LRP1B: variants seen among roughly 807,000 people sequenced by gnomAD.
LRP1B encodes low-density lipoprotein receptor-related protein 1B.
LRP1B carries 217 observed loss-of-function variants against 556.6 expected under a neutral mutation model. The observed-to-expected ratio is 0.39, with a 90% CI of 0.35 to 0.44. The LOEUF is 0.44. Among genes scored for constraint, LRP1B ranks in the 20% least tolerant of loss-of-function variants. LRP1B has a pLI of 1.00. For missense variants in LRP1B, 5,053 were observed against 5,620.8 expected (o/e 0.90, Z 3.23); for synonymous variants, 2,047 against 1,865.8 (o/e 1.10, Z -2.50).
chr2:141,202,318 G>T (rs1489680839), intron 6 of LRP1B, among the ~76,000 whole-genome samples: 6 of 152,138 alleles, frequency 3.9e-5, no homozygotes, highest in Admixed American at 1.3e-4. Context: ...GTCTACAATT[G>T]ATAAGCATTA....
At chr2:140,654,358 T>A (rs1684800016) in intron 41 of LRP1B, among the ~76,000 whole-genome samples, 1 of 152,138 alleles carries the variant, frequency 6.6e-6, no homozygotes, top group African/African-American at 2.4e-5. Flanking sequence ...CAAGGATGAA[T>A]AATTTCTAAA....
At chr2:140,982,486 A>G (rs952014318) in intron 17 of LRP1B, among the ~76,000 whole-genome samples, 1 of 152,174 alleles carries the variant, frequency 6.6e-6, no homozygotes, top group Middle Eastern at 3.2e-3. Flanking sequence ...TTCAATTATC[A>G]ATGACTGCTA....
intron 18 of LRP1B, among the ~76,000 whole-genome samples, chr2:140,964,133 G>A (rs1366364986): frequency 6.6e-6 from 1 of 152,158 alleles, no homozygotes; most frequent in African/African-American, 2.4e-5. Flanking sequence ...CCTGGCAGCC[G>A]AGGCAGAGAG....
chr2:141,082,485 C>T, intron 7 of LRP1B, among the ~76,000 whole-genome samples: 1 of 152,154 alleles, frequency 6.6e-6, no homozygotes, highest in South Asian at 2.1e-4. Context: ...GGACATCAGC[C>T]TAATGTGCTG....
At chr2:140,990,021 C>T (rs1162741389) in intron 16 of LRP1B, among the ~76,000 whole-genome samples, 2 of 151,916 alleles carry the variant, frequency 1.3e-5, no homozygotes, top group African/African-American at 2.4e-5. Flanking sequence ...GTCTGGCCAA[C>T]TTGGTGAAAC....
At chr2:141,142,589 G>GT (rs1251836364) in intron 7 of LRP1B, among the ~76,000 whole-genome samples, 2 of 152,042 alleles carry the variant, frequency 1.3e-5, no homozygotes, top group Non-Finnish European at 2.9e-5. Context: ...AGAAAAAATA[G>GT]TTTTTTTATA....
At chr2:140,905,011 C>T (rs1025746156) in intron 22 of LRP1B, among the ~76,000 whole-genome samples, 2 of 152,074 alleles carry the variant, frequency 1.3e-5, no homozygotes, top group Non-Finnish European at 2.9e-5. Context: ...CCAATATTTG[C>T]ATGATTAGAA....
chr2:141,409,557 T>C (rs1690771644), intron 3 of LRP1B, among the ~76,000 whole-genome samples: 1 of 152,080 alleles, frequency 6.6e-6, no homozygotes, highest in South Asian at 2.1e-4. Context: ...TATTCATTCA[T>C]CCAAGAAATA....
At chr2:140,600,767 G>GTTTTT (rs61336155) in intron 42 of LRP1B, among the ~76,000 whole-genome samples, 5 of 56,910 alleles carry the variant, frequency 8.8e-5, no homozygotes, top group Non-Finnish European at 1.4e-4. Flanking sequence ...GTTCTTCGGG[G>GTTTTT]TTTTTTTTTT....
chr2:140,349,196 T>C (rs1458940486), intron 77 of LRP1B, among the ~76,000 whole-genome samples: 1 of 152,010 alleles, frequency 6.6e-6, no homozygotes, highest in Admixed American at 6.6e-5. Context: ...ACTAGAACCC[T>C]GAACTAAAGG....
chr2:140,314,967 T>C lies in LRP1B; in HGVS notation c.12773A>G (p.Gln4258Arg). The C allele has an allele frequency of 6.2e-7, 1 of 1,609,332 alleles. No individual in the cohort carries two copies. Among genetic ancestry groups the C allele is most frequent in the Non-Finnish European group, 8.5e-7 (1 of 1,177,644 alleles). Residue 4258 changes from glutamine to arginine, a missense_variant, in exon 83 of 91, where the codon CAG becomes CGG. This residue lies in a region of LRP1B where 551 missense variants were observed against 592.0 expected (regional missense o/e 0.93). Coordinates refer to ENST00000389484, the MANE Select transcript of LRP1B (RefSeq NM_018557.3). ...CEVNHCSNYCQNGGTCVPSVL... is the reference protein window; with the variant it reads ...CEVNHCSNYCRNGGTCVPSVL... The stretch of plus-strand genomic sequence containing the variant: ...TGATGGTACGCAAGTTCCTCCATTC[T>C]GGCAGTAGTTGCTACAGTGGTTGAC...
intron 83 of LRP1B, among the ~76,000 whole-genome samples, chr2:140,300,011 C>T (rs180919433): frequency 1.3e-5 from 2 of 151,954 alleles, no homozygotes; most frequent in African/African-American, 2.4e-5. Context: ...AAGAAACAAA[C>T]GGTACCTGCT....
intron 2 of LRP1B, among the ~76,000 whole-genome samples, chr2:141,578,383 CGA>C (rs1686835804): frequency 7.2e-6 from 1 of 138,954 alleles, no homozygotes; most frequent in Non-Finnish European, 1.5e-5. Flanking sequence ...GGTGACAGGG[CGA>C]GAGTCCTTCT....
intron 8 of LRP1B, among the ~76,000 whole-genome samples, chr2:141,059,389 T>C (rs1357315578): frequency 2.6e-5 from 4 of 151,760 alleles, no homozygotes; most frequent in African/African-American, 7.2e-5. Context: ...GACACTGTTA[T>C]ACATAATTTG....
chr2:141,572,378 G>A (rs1686560737), intron 2 of LRP1B, among the ~76,000 whole-genome samples: 1 of 152,090 alleles, frequency 6.6e-6, no homozygotes, highest in African/African-American at 2.4e-5. Context: ...ACAAACAAAA[G>A]CTGAGGGATT....
At chr2:141,111,221 A>G (rs1187020215) in intron 7 of LRP1B, among the ~76,000 whole-genome samples, 1 of 152,218 alleles carries the variant, frequency 6.6e-6, no homozygotes, top group Non-Finnish European at 1.5e-5. Flanking sequence ...GAATAAAAGC[A>G]TGTAACAAAC....
chr2:142,038,000 T>C (rs1703944909), intron 1 of LRP1B, among the ~76,000 whole-genome samples: 1 of 151,580 alleles, frequency 6.6e-6, no homozygotes, highest in Non-Finnish European at 1.5e-5. Context: ...TGGAGTGCTC[T>C]TATGTTTAAG....
intron 3 of LRP1B, among the ~76,000 whole-genome samples, chr2:141,384,516 AG>A (rs1490445883): frequency 1.3e-5 from 2 of 152,144 alleles, no homozygotes; most frequent in Non-Finnish European, 2.9e-5. Context: ...TGTGGGAAAA[AG>A]AATTTCTGGG....
chr2:140,485,217 AAGTG>A (rs1216580351), intron 59 of LRP1B, 122 bp downstream of exon 59: 14 of 553,924 alleles, frequency 2.5e-5, no homozygotes, highest in African/African-American at 2.3e-4. Context: ...TTCTATTTCT[AAGTG>A]AGAATTTCTG....
Sources: gnomAD v4.1 joint callset for allele counts (sites outside exome capture counted in the v4.1 genomes callset) on GRCh38, gnomAD v4.1.1 for gene constraint, gnomAD v4.1.1 regional missense constraint, MANE v1.5 for transcripts, NCBI Gene and HGNC (gene_info 2026-07-23, HGNC 2026-07-21) for gene names.